KCTD8: variants seen among roughly 807,000 people sequenced by gnomAD.
KCTD8 encodes the protein BTB/POZ domain-containing protein KCTD8.
A neutral mutation model predicts 31.5 loss-of-function variants in KCTD8; 27 were observed. That is an observed-to-expected ratio of 0.86 (90% CI 0.63 to 1.18). The LOEUF (loss-of-function observed/expected upper bound fraction) is 1.18. KCTD8 is among the 50% of genes most tolerant of loss of function. KCTD8 has a pLI of 0.00. For synonymous variants in KCTD8, 290 were observed against 280.0 expected (o/e 1.04, Z -0.36); for missense variants, 658 against 647.7 (o/e 1.02, Z -0.17).
intron 1 of KCTD8, among the ~76,000 whole-genome samples, chr4:44,248,328 T>C (rs1295991768): frequency 6.6e-6 from 1 of 151,730 alleles, no homozygotes; most frequent in Non-Finnish European, 1.5e-5. Context: ...ATTTTTTTTT[T>C]CTGGCAATCC....
At chr4:44,308,674 T>A (rs755014358) in intron 1 of KCTD8, among the ~76,000 whole-genome samples, 4 of 152,128 alleles carry the variant, frequency 2.6e-5, no homozygotes, top group African/African-American at 7.2e-5. Flanking sequence ...ATTTAAGGTT[T>A]ATGGCTTCTC....
At chr4:44,359,156 C>T (rs1002489834) in intron 1 of KCTD8, among the ~76,000 whole-genome samples, 15 of 152,094 alleles carry the variant, frequency 9.9e-5, no homozygotes, top group Non-Finnish European at 2.1e-4. Flanking sequence ...TGCAGAAGCT[C>T]TTTAGTTTAA....
intron 1 of KCTD8, among the ~76,000 whole-genome samples, chr4:44,247,636 C>T (rs1478708843): frequency 1.3e-5 from 2 of 151,854 alleles, no homozygotes; most frequent in Non-Finnish European, 2.9e-5. Flanking sequence ...TCTTCCAGCT[C>T]TTGGCAATCA....
chr4:44,235,493 T>C (rs1309095070), intron 1 of KCTD8, among the ~76,000 whole-genome samples: 1 of 129,042 alleles, frequency 7.7e-6, no homozygotes, highest in East Asian at 2.4e-4. Flanking sequence ...TGACTGGATT[T>C]TACCCATGTA....
chr4:44,276,799 AT>A (rs1435518185), intron 1 of KCTD8, among the ~76,000 whole-genome samples: 3 of 151,982 alleles, frequency 2.0e-5, no homozygotes, highest in Non-Finnish European at 4.4e-5. Flanking sequence ...TTGTTCTAAA[AT>A]TAAAGAATGA....
At chr4:44,309,848 T>A (rs919181642) in intron 1 of KCTD8, among the ~76,000 whole-genome samples, 2 of 152,098 alleles carry the variant, frequency 1.3e-5, no homozygotes, top group African/African-American at 2.4e-5. Context: ...ATAAATAAGA[T>A]TCTATTCTAG....
At chr4:44,294,150 G>A (rs368744974) in intron 1 of KCTD8, among the ~76,000 whole-genome samples, 7 of 152,148 alleles carry the variant, frequency 4.6e-5, no homozygotes, top group African/African-American at 9.6e-5. Flanking sequence ...ACACATGCAC[G>A]TTCTCTATAA....
At chr4:44,409,394 G>T (rs1341716606) in intron 1 of KCTD8, among the ~76,000 whole-genome samples, 1 of 152,060 alleles carries the variant, frequency 6.6e-6, no homozygotes, top group Non-Finnish European at 1.5e-5. Flanking sequence ...ATAAATCTGT[G>T]CTAGGAGGGT....
At chr4:44,352,830 G>GAT (rs1719237342) in intron 1 of KCTD8, among the ~76,000 whole-genome samples, 1 of 151,754 alleles carries the variant, frequency 6.6e-6, no homozygotes, top group Non-Finnish European at 1.5e-5. Context: ...TCCTGAAGTA[G>GAT]GTATTCAATC....
At chr4:44,405,431 G>C (rs979536863) in intron 1 of KCTD8, among the ~76,000 whole-genome samples, 1 of 151,970 alleles carries the variant, frequency 6.6e-6, no homozygotes, top group Admixed American at 6.6e-5. Flanking sequence ...GCTAATTTTT[G>C]TATTTTTAGT....
intron 1 of KCTD8, among the ~76,000 whole-genome samples, chr4:44,243,106 T>C (rs893900866): frequency 1.6e-4 from 24 of 152,108 alleles, no homozygotes; most frequent in Admixed American, 1.3e-3. Context: ...TATATGAAAT[T>C]GGTTGAACCA....
chr4:44,268,459 A>G (rs1280746411), intron 1 of KCTD8, among the ~76,000 whole-genome samples: 9 of 152,154 alleles, frequency 5.9e-5, no homozygotes, highest in Non-Finnish European at 4.4e-5. Context: ...CAAAAACTGG[A>G]AGCATTCCCT....
At chr4:44,182,228 G>A (rs976221664) in intron 1 of KCTD8, among the ~76,000 whole-genome samples, 9 of 145,520 alleles carry the variant, frequency 6.2e-5, no homozygotes, top group South Asian at 2.2e-4. Flanking sequence ...ACCTCTGCCC[G>A]GCCGCCCCTT....
At position 44,301,624 on chromosome 4, in the gene KCTD8, G is replaced by T. The variant is rs185035524; in HGVS notation, c.962-126374C>A. On this transcript the variant is annotated intron_variant, in intron 1 of 1. Transcript: ENST00000360029. Reference sequence around the variant, plus strand: ...TGTAGATTCTGGATATTAGCCCTTTGTCAGATGAGTAGGTTGTGAAAATTT... The same window carrying T: ...TGTAGATTCTGGATATTAGCCCTTTTTCAGATGAGTAGGTTGTGAAAATTT... 7.8e-3 allele frequency among the ~76,000 whole-genome samples: 1,192 copies of T among 152,140 alleles called. 15 individuals are homozygous for T. Among genetic ancestry groups the T allele is most frequent in the African/African-American group, 0.027 (1,110 of 41,504 alleles).
intron 1 of KCTD8, among the ~76,000 whole-genome samples, chr4:44,188,987 A>G (rs1577819282): frequency 6.6e-6 from 1 of 152,220 alleles, no homozygotes; most frequent in Non-Finnish European, 1.5e-5. Context: ...AACAAATACA[A>G]GTGATTTAGT....
At chr4:44,422,134 C>G (rs1382899324) in intron 1 of KCTD8, among the ~76,000 whole-genome samples, 1 of 152,054 alleles carries the variant, frequency 6.6e-6, no homozygotes, top group Non-Finnish European at 1.5e-5. Context: ...TTTTGGCCCT[C>G]TTAGCTTTTA....
chr4:44,232,698 A>T (rs976651527), intron 1 of KCTD8, among the ~76,000 whole-genome samples: 1 of 152,228 alleles, frequency 6.6e-6, no homozygotes, highest in South Asian at 2.1e-4. Flanking sequence ...TTAATAAAAA[A>T]TCATAAACAA....
chr4:44,247,043 T>A (rs1715687819), intron 1 of KCTD8, among the ~76,000 whole-genome samples: 1 of 152,048 alleles, frequency 6.6e-6, no homozygotes, highest in African/African-American at 2.4e-5. Context: ...TTCCAATTTA[T>A]ATCCATAGTC....
intron 1 of KCTD8, among the ~76,000 whole-genome samples, chr4:44,227,882 C>T (rs1328936448): frequency 6.6e-6 from 1 of 152,044 alleles, no homozygotes; most frequent in Non-Finnish European, 1.5e-5. Context: ...AATCACCGTC[C>T]TATTTATTCT....
Sources: allele counts gnomAD v4.1 joint callset (sites outside exome capture counted in the v4.1 genomes callset), GRCh38; gene constraint gnomAD v4.1.1; transcripts MANE v1.5; gene names NCBI Gene and HGNC (gene_info 2026-07-23, HGNC 2026-07-21).